The following PCDHGA8 variants were observed in gnomAD, a reference collection of about 807,000 sequenced individuals.
The protein encoded by PCDHGA8 is protocadherin gamma-A8.
A neutral mutation model predicts 59.2 loss-of-function variants in PCDHGA8; 45 were observed. The observed-to-expected ratio is 0.76, with a 90% confidence interval of 0.60 to 0.98. The LOEUF is 0.98. Among genes scored for constraint, PCDHGA8 ranks in the 50% least tolerant of loss-of-function variants. The pLI is 0.00. For missense variants in PCDHGA8, 1,257 were observed against 1,196.2 expected, an observed-to-expected ratio of 1.05 and a Z score of -0.75; for synonymous variants, 531 against 519.0, an observed-to-expected ratio of 1.02 and a Z score of -0.32.
At chr5:141,441,872 G>A (rs1400648028) in intron 1 of PCDHGA8, 4 of 341,526 alleles carry the variant, frequency 1.2e-5, no homozygotes, top group East Asian at 9.4e-5. Context: ...GCGGAGCCTG[G>A]CTACCTGGTC....
chr5:141,432,025 G>T lies in PCDHGA8; in HGVS notation c.2424+36788G>T. ...AGGTTCCTAGCTACAACATCACAGT[G>T]ACCGCCACTGACCGGGGAACCCCGC... On this transcript the variant is annotated intron_variant, in intron 1 of 3. Coordinates refer to ENST00000398604, the MANE Select transcript of PCDHGA8 (RefSeq NM_032088.2). The surrounding 1 kb of genome is among the most constrained non-coding windows in gnomAD (Gnocchi z 6.0). The T allele has an allele frequency of 6.2e-7, 1 of 1,614,158 alleles. No homozygotes were observed. The highest frequency in any genetic ancestry group is 1.1e-5 in the South Asian group (1 of 91,058).
At chr5:141,423,837 A>G (rs73792199) in intron 1 of PCDHGA8, 16,285 of 1,277,458 alleles carry the variant, frequency 0.013, 610 homozygotes, top group African/African-American at 0.098. Context: ...TGAGATTACG[A>G]TAATCTTTCA....
Position 141,394,128 on chromosome 5 carries a change from G to A in PCDHGA8, c.1315G>A (p.Ala439Thr), listed in dbSNP as rs371610257. 2.0e-5 allele frequency: 32 copies of A among 1,613,612 alleles called. No homozygotes were observed. The highest frequency in any genetic ancestry group is 4.0e-5 in the African/African-American group (3 of 74,844). ...ACCTCTGTCCACTGAAACTCAAATC[G>A]CTCTGCACGTGGCAGACATTAACGA... ...TPPLSTETQI[A>T]LHVADINDNP... Residue 439 changes from alanine (A) to threonine (T), a missense_variant, in exon 1 of 4, where the codon GCT (alanine) becomes ACT (threonine). Transcript: ENST00000398604.
intron 1 of PCDHGA8, chr5:141,402,978 T>C (rs746626227): frequency 2.5e-6 from 4 of 1,608,452 alleles, no homozygotes; most frequent in Non-Finnish European, 3.4e-6. Context: ...AAATGCCAGC[T>C]CCGCGGAAGA....
At chr5:141,426,507 C>G in intron 1 of PCDHGA8, 1 of 342,512 alleles carries the variant, frequency 2.9e-6, no homozygotes, top group Non-Finnish European at 5.8e-6. Context: ...AGAAACAATA[C>G]TTTACCGTGA....
intron 1 of PCDHGA8, chr5:141,399,680 A>G (rs1182095574): frequency 1.2e-6 from 2 of 1,613,514 alleles, no homozygotes; most frequent in East Asian, 2.2e-5. Context: ...GCCTTTGACT[A>G]CGAGCAGCTG....
In PCDHGA8 at chr5:141,418,490, G is replaced by A. The variant is rs1473964718; in HGVS notation, c.2424+23253G>A. On this transcript the variant is annotated intron_variant, in intron 1 of 3. Coordinates refer to ENST00000398604, the MANE Select transcript of PCDHGA8 (RefSeq NM_032088.2). Reference sequence around the variant, plus strand: ...AGAAACGCAGAGCGCTCACCACTTGGTACTGACCGCCTTAGATGGTGGGGA... The same window carrying A: ...AGAAACGCAGAGCGCTCACCACTTGATACTGACCGCCTTAGATGGTGGGGA... 5.6e-6 allele frequency: 9 copies of A among 1,613,996 alleles called. No homozygotes were observed. In the East Asian group the frequency reaches 1.6e-4, roughly 28 times the overall value.
intron 1 of PCDHGA8, among the ~76,000 whole-genome samples, chr5:141,425,040 A>G (rs2096853898): frequency 6.6e-6 from 1 of 152,182 alleles, no homozygotes; most frequent in South Asian, 2.1e-4. Flanking sequence ...TTAGTTGTAA[A>G]CTGACTATCT....
intron 1 of PCDHGA8, chr5:141,424,098 C>T: frequency 8.3e-6 from 7 of 846,340 alleles, no homozygotes; most frequent in Non-Finnish European, 1.0e-5. Flanking sequence ...TTTGCTATTA[C>T]TGCTAATGTT....
intron 1 of PCDHGA8, chr5:141,422,005 A>G (rs2154549470): frequency 6.2e-7 from 1 of 1,609,814 alleles, no homozygotes; most frequent in Middle Eastern, 1.7e-4. Context: ...CAGCTCCGGA[A>G]CTCGGGTGCT....
At chr5:141,404,520 A>C (rs1483361714) in intron 1 of PCDHGA8, 2 of 1,613,916 alleles carry the variant, frequency 1.2e-6, no homozygotes, top group Non-Finnish European at 1.7e-6. Context: ...TTTGACTATG[A>C]GCAGTTTAGA....
At chr5:141,440,280 A>G (rs1389627767) in intron 1 of PCDHGA8, 1 of 152,220 alleles carries the variant, frequency 6.6e-6, no homozygotes, top group East Asian at 1.9e-4. Context: ...CAGCCTGACC[A>G]ACATAGTGAA....
chr5:141,405,494 A>G, intron 1 of PCDHGA8: 1 of 840,532 alleles, frequency 1.2e-6, no homozygotes, highest in Non-Finnish European at 1.8e-6. Context: ...ATCTCGGCTC[A>G]TTGCAACCTC....
At chr5:141,453,492 G>A (rs1046043468) in intron 1 of PCDHGA8, among the ~76,000 whole-genome samples, 7 of 152,000 alleles carry the variant, frequency 4.6e-5, no homozygotes, top group African/African-American at 7.3e-5. Context: ...AAAAAAAGGT[G>A]TACTCAGAAA....
intron 1 of PCDHGA8, chr5:141,403,105 C>G (rs1226095779): frequency 6.2e-7 from 1 of 1,614,056 alleles, no homozygotes; most frequent in East Asian, 2.2e-5. Context: ...TCTCCAAGGA[C>G]CTGGCTCTGG....
chr5:141,410,342 C>T (rs772070270), intron 1 of PCDHGA8: 12 of 1,613,946 alleles, frequency 7.4e-6, no homozygotes, highest in Non-Finnish European at 9.3e-6. Flanking sequence ...CATTGCCTTG[C>T]GCCTGCGACG....
chr5:141,399,361 C>A (rs375619778), intron 1 of PCDHGA8: 1 of 1,613,960 alleles, frequency 6.2e-7, no homozygotes. Context: ...AGAGCAAACC[C>A]CGGAGTACAA....
chr5:141,428,266 G>A (rs764763674), intron 1 of PCDHGA8: 1 of 810,620 alleles, frequency 1.2e-6, no homozygotes. Context: ...TGACAGTCCT[G>A]TGCCCTCTGA....
chr5:141,467,952 C>A (rs1341210155), intron 1 of PCDHGA8, among the ~76,000 whole-genome samples: 1 of 152,186 alleles, frequency 6.6e-6, no homozygotes, highest in Non-Finnish European at 1.5e-5. Flanking sequence ...AGCCACCACA[C>A]CCGGCTGCCA....
Sources: gnomAD v4.1 joint callset for allele counts (sites outside exome capture counted in the v4.1 genomes callset) on GRCh38, gnomAD v4.1.1 for gene constraint, Gnocchi (gnomAD v3.1) non-coding constraint, MANE v1.5 for transcripts, NCBI Gene and HGNC (gene_info 2026-07-23, HGNC 2026-07-21) for gene names.